Variants in AVL9 observed in about 807,000 individuals in gnomAD.
AVL9 encodes late secretory pathway protein AVL9 homolog.
In AVL9, 49 loss-of-function variants were observed where a neutral mutation model predicts 79.2. The observed-to-expected ratio is 0.62, with a 90% confidence interval of 0.49 to 0.79. The LOEUF (loss-of-function observed/expected upper bound fraction) is 0.79, where lower values mean the gene tolerates loss of function less well. AVL9 is among the 30% of genes least tolerant of loss of function. The pLI is 0.00. For synonymous variants in AVL9, 299 were observed against 280.6 expected, an observed-to-expected ratio of 1.07 and a Z score of -0.65; for missense variants, 682 against 776.8, an observed-to-expected ratio of 0.88 and a Z score of 1.45.
At chr7:32,517,190 T>C (rs1480872801) in intron 1 of AVL9, among the ~76,000 whole-genome samples, 1 of 152,232 alleles carries the variant, frequency 6.6e-6, no homozygotes, top group Non-Finnish European at 1.5e-5. Context: ...TATGCATATT[T>C]TGTTATGTGT....
intron 10 of AVL9, 81 bp from the exon 11 acceptor site, chr7:32,569,939 C>T (rs1790750569): frequency 4.3e-6 from 6 of 1,400,452 alleles, no homozygotes; most frequent in Non-Finnish European, 6.0e-6. Context: ...AGTTTCTTTT[C>T]CTACTGTTAG....
intron 1 of AVL9, among the ~76,000 whole-genome samples, chr7:32,503,495 T>C (rs1176921385): frequency 3.6e-5 from 5 of 139,634 alleles, no homozygotes; most frequent in Non-Finnish European, 7.7e-5. Context: ...GAGGCAGAGG[T>C]TGCAGTGAGC....
At chr7:32,528,544 A>G (rs1017121748) in intron 1 of AVL9, among the ~76,000 whole-genome samples, 5 of 152,132 alleles carry the variant, frequency 3.3e-5, no homozygotes, top group Non-Finnish European at 5.9e-5. Context: ...GGCCCTCTTC[A>G]CCAACCCTGA....
chr7:32,582,399 T>G (rs1791552783), intron 15 of AVL9, among the ~76,000 whole-genome samples: 1 of 152,234 alleles, frequency 6.6e-6, no homozygotes, highest in East Asian at 1.9e-4. Context: ...CAGACTCATT[T>G]GTAAAGACAA....
intron 1 of AVL9, among the ~76,000 whole-genome samples, chr7:32,497,545 G>C (rs1786903779): frequency 6.6e-6 from 1 of 152,120 alleles, no homozygotes; most frequent in Non-Finnish European, 1.5e-5. Context: ...AAGGTGCATG[G>C]CTCATTGAGT....
At chr7:32,496,204 T>C (rs1786800996) in intron 1 of AVL9, among the ~76,000 whole-genome samples, 1 of 152,226 alleles carries the variant, frequency 6.6e-6, no homozygotes, top group Non-Finnish European at 1.5e-5. Flanking sequence ...GGACTCTGCT[T>C]TCAAGGTAAT....
Position 32,503,363 on chromosome 7 carries a change from T to TACAC in AVL9, c.93+7562_93+7563insCACA, listed in dbSNP as rs1199472851. Among the ~76,000 whole-genome samples the TACAC allele has an allele frequency of 7.0e-5, 7 of 100,316 alleles. No individual in the cohort carries two copies. The East Asian group carries it at 1.1e-3, about 16-fold the overall frequency. The allele number at this position is 100,316 out of a possible 152,430, so 65.8% of individuals were successfully genotyped here. On this transcript the variant is annotated intron_variant, in intron 1 of 15. Transcript: ENST00000318709. ...ATATATAGATATAGATATAGAGAGA[T>TACAC]ATATATATATACACACACACACACA... is the stretch of plus-strand genomic sequence containing the variant.
rs190737738 is a variant in AVL9 at position 32,567,030 on chromosome 7, T to A, written c.1216-2990T>A. Among the ~76,000 whole-genome samples the A allele has an allele frequency of 2.6e-4, 40 of 152,362 alleles. No homozygotes were observed. In the East Asian group the frequency reaches 4.2e-3, roughly 16 times the overall value. ...GCTTTTATTATATCTGGTACTTTTT[T>A]AAAAAATACACAATTGCCTCCCCCA... On this transcript the variant is annotated intron_variant, in intron 10 of 15. Coordinates refer to ENST00000318709, the MANE Select transcript of AVL9 (RefSeq NM_015060.3).
At chr7:32,522,682 G>A (rs1018213675) in intron 1 of AVL9, among the ~76,000 whole-genome samples, 8 of 152,124 alleles carry the variant, frequency 5.3e-5, no homozygotes, top group African/African-American at 9.7e-5. Context: ...GGGAAGGCAC[G>A]ATTGGTTTTG....
chr7:32,501,443 T>G (rs1237129122), intron 1 of AVL9, among the ~76,000 whole-genome samples: 1 of 152,240 alleles, frequency 6.6e-6, no homozygotes, highest in African/African-American at 2.4e-5. Context: ...AAGATTGCAT[T>G]TTCTGGCCCT....
At chr7:32,514,424 C>A (rs561880701) in intron 1 of AVL9, among the ~76,000 whole-genome samples, 35 of 152,224 alleles carry the variant, frequency 2.3e-4, no homozygotes, top group Non-Finnish European at 4.0e-4. Context: ...CCTTAAACCT[C>A]AGTCAATACT....
rs1791293390 is a variant in AVL9, at chr7:32,579,445, A to AATAT, written c.1689-771_1689-768dup. The stretch of plus-strand genomic sequence containing the variant: ...TATATATAATATATATATTATATAT[A>AATAT]ATATATTATATATTATATATAATAT... On this transcript the variant is annotated intron_variant, in intron 13 of 15. Transcript: ENST00000318709. Among the ~76,000 whole-genome samples, 2 of 6,552 alleles carry AATAT rather than the reference A, an allele frequency of 3.1e-4. 1 individual carries two copies. Among genetic ancestry groups the AATAT allele is most frequent in the African/African-American group, 2.1e-3 (2 of 950 alleles). The allele number at this position is 6,552 out of a possible 152,430, so 4.3% of individuals were successfully genotyped here. A position where few individuals can be genotyped will look rare whatever the true frequency, so the allele number is the denominator to read the frequency against.
intron 13 of AVL9, among the ~76,000 whole-genome samples, chr7:32,577,321 A>G (rs1303167764): frequency 1.3e-5 from 2 of 152,228 alleles, no homozygotes; most frequent in Non-Finnish European, 2.9e-5. Flanking sequence ...ACTAGGTTCA[A>G]CACCAATTTT....
intron 4 of AVL9, among the ~76,000 whole-genome samples, chr7:32,550,070 A>C (rs552135552): frequency 6.6e-6 from 1 of 152,296 alleles, no homozygotes; most frequent in East Asian, 1.9e-4. Context: ...TAGCTTTTTT[A>C]TACTGGACCA....
At chr7:32,527,424 T>C (rs955997817) in intron 1 of AVL9, among the ~76,000 whole-genome samples, 12 of 152,390 alleles carry the variant, frequency 7.9e-5, no homozygotes, top group Middle Eastern at 3.4e-3. Context: ...GCTTATGTTT[T>C]GTATAGCTAA....
intron 4 of AVL9, 137 bp from the exon 5 acceptor site, chr7:32,551,197 G>A (rs550913408): frequency 2.6e-5 from 16 of 605,688 alleles, no homozygotes; most frequent in Admixed American, 1.5e-4. Context: ...TGAATAATAC[G>A]CACTAAAGTT....
intron 1 of AVL9, among the ~76,000 whole-genome samples, chr7:32,526,329 T>A (rs1395411237): frequency 6.6e-6 from 1 of 152,048 alleles, no homozygotes. Flanking sequence ...AATCTAAGGG[T>A]CCCTAGCAAA....
In AVL9 at chr7:32,495,810, A is replaced by T; in HGVS notation, c.93+8A>T. ...CACAAGAAGGGCTGCCAGGTGAGGA[A>T]AGGGCCCGCCCCCGCCCCCAGCCGT... On this transcript the variant is annotated splice_region_variant and intron_variant, in intron 1 of 15. Coordinates refer to ENST00000318709, the MANE Select transcript of AVL9 (RefSeq NM_015060.3). 8.0e-7 allele frequency: 1 copy of T among 1,255,790 alleles called. No homozygotes were observed. The highest frequency in any genetic ancestry group is 1.0e-6 in the Non-Finnish European group (1 of 990,756). The allele number at this position is 1,255,790 out of a possible 1,614,324, so 77.8% of individuals were successfully genotyped here.
At chr7:32,521,202 A>G (rs1477903164) in intron 1 of AVL9, among the ~76,000 whole-genome samples, 2 of 152,210 alleles carry the variant, frequency 1.3e-5, no homozygotes, top group African/African-American at 2.4e-5. Flanking sequence ...TGCTGAAAAT[A>G]TACTTGAAAA....
Sources: gnomAD v4.1 joint callset for allele counts (sites outside exome capture counted in the v4.1 genomes callset) on GRCh38, gnomAD v4.1.1 for gene constraint, MANE v1.5 for transcripts, NCBI Gene and HGNC (gene_info 2026-07-23, HGNC 2026-07-21) for gene names.